The following ZBTB8OS variants were observed in gnomAD, a reference collection of about 807,000 sequenced individuals.
ZBTB8OS encodes the protein tRNA splicing ligase complex subunit 1, also known as tRNA-splicing ligase-activating factor archease.
Under a neutral mutation model 29.3 loss-of-function variants are expected in ZBTB8OS, and 16 were observed. That is an observed-to-expected ratio of 0.55 (90% CI 0.37 to 0.83). ZBTB8OS has a LOEUF of 0.83. ZBTB8OS is among the 40% of genes least tolerant of loss of function. The probability of loss-of-function intolerance (pLI) is 0.00; values close to 1 mark genes in which losing one functional copy is unlikely to be tolerated. For missense variants in ZBTB8OS, 160 were observed against 196.9 expected, an observed-to-expected ratio of 0.81 and a Z score of 1.12; for synonymous variants, 70 against 64.6, an observed-to-expected ratio of 1.08 and a Z score of -0.40.
At chr1:32,641,185 A>T (rs983159332) in intron 1 of ZBTB8OS, among the ~76,000 whole-genome samples, 5 of 151,716 alleles carry the variant, frequency 3.3e-5, no homozygotes, top group African/African-American at 1.2e-4. Context: ...TCTGAATAAC[A>T]AAAGCATGTC....
intron 1 of ZBTB8OS, among the ~76,000 whole-genome samples, chr1:32,648,374 C>T (rs1424867138): frequency 6.6e-6 from 1 of 152,158 alleles, no homozygotes; most frequent in Non-Finnish European, 1.5e-5. Context: ...ACTTGGAGAA[C>T]TTGATTCTAC....
At chr1:32,625,904 CTT>C (rs1237042765) in intron 6 of ZBTB8OS, among the ~76,000 whole-genome samples, 3 of 148,306 alleles carry the variant, frequency 2.0e-5, no homozygotes, top group South Asian at 2.1e-4. Flanking sequence ...GAGTTTTGCT[CTT>C]GTCGCCCAGG....
At chr1:32,626,018 G>A (rs113611314) in intron 6 of ZBTB8OS, among the ~76,000 whole-genome samples, 2,133 of 151,894 alleles carry the variant, frequency 0.014, 26 homozygotes, top group Middle Eastern at 0.088. Context: ...GATTACAAGC[G>A]CCCGCCACCG....
chr1:32,630,331 G>A (rs1226871805), intron 5 of ZBTB8OS, among the ~76,000 whole-genome samples: 1 of 152,096 alleles, frequency 6.6e-6, no homozygotes, highest in African/African-American at 2.4e-5. Context: ...GGCAGAGGTT[G>A]CAGCGAGCCA....
intron 3 of ZBTB8OS, 52 bp from the exon 4 acceptor site, chr1:32,633,779 T>C: frequency 6.6e-7 from 1 of 1,507,966 alleles, no homozygotes; most frequent in Non-Finnish European, 9.0e-7. Flanking sequence ...AAAAACATAC[T>C]TGAATTTAAA....
intron 1 of ZBTB8OS, among the ~76,000 whole-genome samples, chr1:32,646,934 C>T (rs578226545): frequency 9.0e-5 from 13 of 144,030 alleles, no homozygotes; most frequent in African/African-American, 2.3e-4. Context: ...CCCAGCCATA[C>T]GGAAGGCTGA....
At chr1:32,625,870 GTTTC>G (rs1353273682) in intron 6 of ZBTB8OS, among the ~76,000 whole-genome samples, 2 of 151,178 alleles carry the variant, frequency 1.3e-5, no homozygotes, top group South Asian at 2.1e-4. Flanking sequence ...TTATAATGCT[GTTTC>G]TTTTTTTTTT....
At chr1:32,650,393 T>A in intron 1 of ZBTB8OS, 40 bp downstream of exon 1, 1 of 1,612,930 alleles carries the variant, frequency 6.2e-7, no homozygotes, top group Non-Finnish European at 8.5e-7. Context: ...GGGATGCCTG[T>A]GTGCTTACAT....
At chr1:32,635,849 C>T (rs1378066859) in intron 1 of ZBTB8OS, among the ~76,000 whole-genome samples, 1 of 152,164 alleles carries the variant, frequency 6.6e-6, no homozygotes, top group African/African-American at 2.4e-5. Flanking sequence ...AGTAACAGCC[C>T]TTTCCCGAAA....
At chr1:32,626,877 A>G (rs1645167145) in intron 6 of ZBTB8OS, among the ~76,000 whole-genome samples, 1 of 152,168 alleles carries the variant, frequency 6.6e-6, no homozygotes, top group Admixed American at 6.5e-5. Context: ...ATGGTTGGGG[A>G]AAAAAATCAA....
intron 1 of ZBTB8OS, among the ~76,000 whole-genome samples, chr1:32,644,299 C>T (rs1452643282): frequency 6.6e-6 from 1 of 151,982 alleles, no homozygotes; most frequent in Non-Finnish European, 1.5e-5. Flanking sequence ...TCAGCTTGCA[C>T]AAGTTAAGTC....
intron 5 of ZBTB8OS, among the ~76,000 whole-genome samples, chr1:32,629,390 T>G (rs1043992843): frequency 3.3e-5 from 5 of 151,904 alleles, no homozygotes; most frequent in African/African-American, 1.2e-4. Flanking sequence ...CACTCCAGGC[T>G]GAGAGACAAA....
At chr1:32,630,581 A>C (rs7540466) in intron 5 of ZBTB8OS, among the ~76,000 whole-genome samples, 4,068 of 151,878 alleles carry the variant, frequency 0.027, 179 homozygotes, top group African/African-American at 0.092. Flanking sequence ...ATCAAATTAA[A>C]TTAAATTAAA....
At chr1:32,650,731 G>T, upstream of ZBTB8OS, 1 of 842,376 alleles carries the variant, frequency 1.2e-6, no homozygotes, top group Non-Finnish European at 1.8e-6. Context: ...CATCTTCTGC[G>T]ATTCCTTCAT....
chr1:32,648,914 T>G (rs1221725457), intron 1 of ZBTB8OS, among the ~76,000 whole-genome samples: 1 of 145,660 alleles, frequency 6.9e-6, no homozygotes, highest in Non-Finnish European at 1.5e-5. Context: ...TCCACCCGCC[T>G]CAACCTCCCA....
rs1332549029 is a variant in ZBTB8OS at position 32,621,261 on chromosome 1, T to C, written c.*601A>G. ...TAAAGATACAAAAATTAGCCGGGCA[T>C]GGTGGCGGGTGCCTATAGTCCCAGC... On this transcript the variant is annotated 3_prime_UTR_variant, in exon 7 of 7. Transcript: ENST00000468695. 3 of 152,378 alleles carry C rather than the reference T, an allele frequency of 2.0e-5. No individual in the cohort carries two copies. In the East Asian group the frequency reaches 5.8e-4, roughly 29 times the overall value. The allele number at this position is 152,378 out of a possible 1,614,324, so 9.4% of individuals were successfully genotyped here. A position where few individuals can be genotyped will look rare whatever the true frequency, so the allele number is the denominator to read the frequency against.
At chr1:32,625,331 G>A (rs1269472682) in intron 6 of ZBTB8OS, among the ~76,000 whole-genome samples, 2 of 151,962 alleles carry the variant, frequency 1.3e-5, no homozygotes, top group Non-Finnish European at 2.9e-5. Context: ...TCAGGAGTTC[G>A]AGATCAGCCT....
At chr1:32,634,889 T>C (rs1440083241) in intron 1 of ZBTB8OS, 97 bp from the exon 2 acceptor site, 3 of 887,864 alleles carry the variant, frequency 3.4e-6, no homozygotes, top group South Asian at 1.3e-5. Flanking sequence ...AGGAATATCA[T>C]CTTTAAAGAG....
In ZBTB8OS at chr1:32,650,462, T is replaced by C; in HGVS notation, c.68A>G (p.Lys23Arg). The stretch of plus-strand genomic sequence containing the variant: ...GTACTTCCTATTGACTGGCGGATAC[T>C]TGGCCTTGATCGCCTTCTGTTCTTC... ...LTEEQKAIKA[K>R]YPPVNRKYEY... Residue 23 changes from lysine to arginine, a missense_variant, in exon 1 of 7, where the codon AAG becomes AGG. By Grantham distance (26) the Lys-to-Arg change is conservative. Transcript: ENST00000468695. The C allele has an allele frequency of 2.5e-6, 4 of 1,614,230 alleles. No homozygotes were observed. The highest frequency in any genetic ancestry group is 1.3e-5 in the African/African-American group (1 of 75,060).
Sources: gnomAD v4.1 joint callset for allele counts (sites outside exome capture counted in the v4.1 genomes callset) on GRCh38, gnomAD v4.1.1 for gene constraint, MANE v1.5 for transcripts, NCBI Gene and HGNC (gene_info 2026-07-23, HGNC 2026-07-21) for gene names.